SOX6: variants seen among roughly 807,000 people sequenced by gnomAD.
The protein encoded by SOX6 is SRY-box transcription factor 6.
SOX6 carries 11 observed loss-of-function variants against 97.8 expected under a neutral mutation model. The ratio of observed to expected loss-of-function variants is 0.11; its 90% confidence interval spans 0.07 to 0.19. The LOEUF is 0.19. Among genes scored for constraint, SOX6 ranks in the 10% least tolerant of loss-of-function variants. The pLI is 1.00. For missense variants in SOX6, 810 were observed against 1,039.5 expected, an observed-to-expected ratio of 0.78 and a Z score of 3.04; for synonymous variants, 360 against 371.4, an observed-to-expected ratio of 0.97 and a Z score of 0.35.
intron 3 of SOX6, among the ~76,000 whole-genome samples, chr11:16,283,487 T>C (rs1286849332): frequency 6.6e-6 from 1 of 151,688 alleles, no homozygotes; most frequent in Non-Finnish European, 1.5e-5. Context: ...TACCTCTAGA[T>C]AGTTTATCAG....
At chr11:16,332,717 A>G (rs149142517) in intron 2 of SOX6, among the ~76,000 whole-genome samples, 1 of 152,328 alleles carries the variant, frequency 6.6e-6, no homozygotes, top group African/African-American at 2.4e-5. Flanking sequence ...CAGATATATT[A>G]TTGAACTCAA....
At chr11:16,252,480 G>C (rs192208144) in intron 3 of SOX6, 3 of 152,352 alleles carry the variant, frequency 2.0e-5, no homozygotes, top group Non-Finnish European at 4.4e-5. Flanking sequence ...AACTCTCAGA[G>C]TTAAGAACTC....
Position 16,700,995 on chromosome 11 carries a change from ACAAT to A in SOX6, n.429+13831_429+13834del, listed in dbSNP as rs1222898627. Among the ~76,000 whole-genome samples, 14 of 152,324 alleles carry A rather than the reference ACAAT, an allele frequency of 9.2e-5. 1 individual carries two copies. The East Asian group carries it at 2.7e-3, about 29-fold the overall frequency. On this transcript the variant is annotated intron_variant and non_coding_transcript_variant, in intron 3 of 5. Transcript: ENST00000524520. ...ACAATGCAACACTCAAAAATATCTG[ACAAT>A]CAAATAACCAGACTGACTTTTTCCC...
At chr11:16,628,679 T>C (rs1329761632) in intron 3 of SOX6, among the ~76,000 whole-genome samples, 1 of 152,058 alleles carries the variant, frequency 6.6e-6, no homozygotes, top group Non-Finnish European at 1.5e-5. Flanking sequence ...TTGATAGGGA[T>C]TGCAATGAAT....
At chr11:16,560,353 C>A (rs953141294) in intron 4 of SOX6, among the ~76,000 whole-genome samples, 4 of 152,026 alleles carry the variant, frequency 2.6e-5, no homozygotes, top group Non-Finnish European at 5.9e-5. Context: ...TAGTGCCTAG[C>A]ATTATGCCTA....
rs141795574 is a variant in SOX6 at position 16,562,235 on chromosome 11, T to C, written n.609+49846A>G. On this transcript the variant is annotated intron_variant and non_coding_transcript_variant, in intron 4 of 5. Transcript: ENST00000524520. ...AACTAAAAACCCTGGACACTGTATA[T>C]AAGACAAACATAAGAGGACTCTAAA... Among the ~76,000 whole-genome samples, 4 of 152,194 alleles carry C rather than the reference T, an allele frequency of 2.6e-5. No homozygotes were observed. In the East Asian group the frequency reaches 5.8e-4, roughly 22 times the overall value.
chr11:16,269,353 C>G (rs1249173236), intron 3 of SOX6, among the ~76,000 whole-genome samples: 2 of 150,842 alleles, frequency 1.3e-5, no homozygotes, highest in African/African-American at 4.8e-5. Context: ...TATTCTCATA[C>G]CCCCTGCATT....
chr11:16,201,896 G>A (rs1175496451), intron 4 of SOX6, among the ~76,000 whole-genome samples: 1 of 135,390 alleles, frequency 7.4e-6, no homozygotes, highest in Non-Finnish European at 1.5e-5. Flanking sequence ...GCCTCCCAAA[G>A]TGCTGGGATT....
At chr11:16,595,402 A>G (rs1848201409) in intron 4 of SOX6, among the ~76,000 whole-genome samples, 1 of 152,156 alleles carries the variant, frequency 6.6e-6, no homozygotes, top group Non-Finnish European at 1.5e-5. Flanking sequence ...TAAACACCAG[A>G]GAGCTTCCAA....
intron 4 of SOX6, among the ~76,000 whole-genome samples, chr11:16,558,963 ATTGT>A (rs1847778500): frequency 6.6e-6 from 1 of 152,080 alleles, no homozygotes; most frequent in Non-Finnish European, 1.5e-5. Context: ...CAATGCAGAA[ATTGT>A]TTGAAGATTA....
intron 7 of SOX6, among the ~76,000 whole-genome samples, chr11:16,110,745 T>C (rs1849209439): frequency 6.6e-6 from 1 of 152,194 alleles, no homozygotes; most frequent in African/African-American, 2.4e-5. Flanking sequence ...AACAAGCAAT[T>C]AAAACAGATG....
At chr11:16,340,691 A>C (rs905364586) in intron 2 of SOX6, among the ~76,000 whole-genome samples, 2 of 152,060 alleles carry the variant, frequency 1.3e-5, no homozygotes, top group African/African-American at 4.8e-5. Flanking sequence ...TTATTTGCTC[A>C]TACCTATTTT....
intron 2 of SOX6, among the ~76,000 whole-genome samples, chr11:16,730,504 A>G (rs1848341398): frequency 1.3e-5 from 2 of 152,238 alleles, no homozygotes; most frequent in African/African-American, 4.8e-5. Context: ...TACTGGGTAA[A>G]TAACGAAATT....
At chr11:16,502,365 G>A (rs112669750) in intron 4 of SOX6, among the ~76,000 whole-genome samples, 36,637 of 151,872 alleles carry the variant, frequency 0.24, 5,022 homozygotes, top group Non-Finnish European at 0.3. Flanking sequence ...AATGTTAAAT[G>A]ATGAGTTAAT....
intron 4 of SOX6, among the ~76,000 whole-genome samples, chr11:16,489,785 A>G (rs1590221302): frequency 6.6e-6 from 1 of 152,172 alleles, no homozygotes; most frequent in African/African-American, 2.4e-5. Flanking sequence ...TTTTTGTTCC[A>G]TTACTTCACA....
intron 3 of SOX6, among the ~76,000 whole-genome samples, chr11:16,697,997 C>T (rs1016416614): frequency 1.3e-5 from 2 of 152,106 alleles, no homozygotes; most frequent in African/African-American, 4.8e-5. Flanking sequence ...TCTTAAGGGC[C>T]CTAAGGCTTC....
intron 2 of SOX6, among the ~76,000 whole-genome samples, chr11:16,725,883 T>G (rs1285100665): frequency 6.6e-6 from 1 of 152,238 alleles, no homozygotes; most frequent in African/African-American, 2.4e-5. Context: ...TTAGAATAAC[T>G]TCTTATTCTG....
intron 4 of SOX6, among the ~76,000 whole-genome samples, chr11:16,192,665 A>T (rs1329026584): frequency 6.6e-6 from 1 of 152,154 alleles, no homozygotes; most frequent in East Asian, 1.9e-4. Context: ...GCCCAAAGCC[A>T]CAGAGAAGAT....
chr11:16,171,004 G>A (rs1341972170), intron 6 of SOX6, among the ~76,000 whole-genome samples: 1 of 151,992 alleles, frequency 6.6e-6, no homozygotes, highest in Non-Finnish European at 1.5e-5. Flanking sequence ...GGTCTGTGGA[G>A]AAATGAGTAT....
Sources: gnomAD v4.1 joint callset for allele counts (sites outside exome capture counted in the v4.1 genomes callset) on GRCh38, gnomAD v4.1.1 for gene constraint, MANE v1.5 for transcripts, NCBI Gene and HGNC (gene_info 2026-07-23, HGNC 2026-07-21) for gene names.